The following UNC13C variants were observed in gnomAD, a reference collection of about 807,000 sequenced individuals.
UNC13C encodes the protein unc-13 homolog C, also known as protein unc-13 homolog C.
In UNC13C, 174 loss-of-function variants were observed where a neutral mutation model predicts 245.4. The observed-to-expected ratio is 0.71, with a 90% CI of 0.63 to 0.80. UNC13C has a LOEUF of 0.80. UNC13C is among the 30% of genes least tolerant of loss of function. The pLI, the probability that UNC13C is intolerant of heterozygous loss-of-function variation, is 0.00. For synonymous variants in UNC13C, 992 were observed against 895.1 expected, an observed-to-expected ratio of 1.11 and a Z score of -1.93; for missense variants, 2,829 against 2,602.9, an observed-to-expected ratio of 1.09 and a Z score of -1.89.
chr15:54,446,790 C>G (rs1040942732), intron 19 of UNC13C, among the ~76,000 whole-genome samples: 4 of 152,140 alleles, frequency 2.6e-5, no homozygotes, highest in African/African-American at 7.2e-5. Flanking sequence ...ATTTCTTTCT[C>G]CTGCCTGATT....
intron 2 of UNC13C, among the ~76,000 whole-genome samples, chr15:54,067,965 CAAAT>C (rs1212262365): frequency 1.3e-5 from 2 of 152,086 alleles, no homozygotes; most frequent in African/African-American, 4.8e-5. Context: ...AGATAAACAA[CAAAT>C]AACTTACACT....
At chr15:53,973,498 A>G (rs1387272111), upstream of UNC13C, among the ~76,000 whole-genome samples, 1 of 152,022 alleles carries the variant, frequency 6.6e-6, no homozygotes, top group African/African-American at 2.4e-5. Flanking sequence ...CTAAAGCCCA[A>G]ATTGGAAACC....
chr15:53,873,881 C>T, the UNC13C span, among the ~76,000 whole-genome samples: 1 of 149,428 alleles, frequency 6.7e-6, no homozygotes, highest in Non-Finnish European at 1.5e-5. Context: ...CTTTCTATCT[C>T]TTCTCTTCCT....
intron 2 of UNC13C, among the ~76,000 whole-genome samples, chr15:54,058,602 C>T (rs1369069555): frequency 6.6e-6 from 1 of 152,190 alleles, no homozygotes; most frequent in Non-Finnish European, 1.5e-5. Context: ...TCCTCCCTAA[C>T]TCATTTTATG....
the UNC13C span, among the ~76,000 whole-genome samples, chr15:53,875,917 C>A: frequency 6.6e-6 from 1 of 152,076 alleles, no homozygotes; most frequent in East Asian, 1.9e-4. Context: ...AATGTTACTT[C>A]CTTGGAACAA....
chr15:54,395,172 C>T (rs1219214333), intron 18 of UNC13C, among the ~76,000 whole-genome samples: 2 of 151,628 alleles, frequency 1.3e-5, no homozygotes, highest in African/African-American at 2.4e-5. Flanking sequence ...GAAGATCGTT[C>T]AATTTAGTTT....
At chr15:54,489,206 T>C (rs886189427) in intron 19 of UNC13C, among the ~76,000 whole-genome samples, 1 of 152,152 alleles carries the variant, frequency 6.6e-6, no homozygotes, top group Non-Finnish European at 1.5e-5. Context: ...TTTTATAGAA[T>C]CATTTAAGAG....
chr15:54,622,374 A>C lies in UNC13C; in HGVS notation c.6154A>C (p.Ile2052Leu), dbSNP rs769976822. 3.8e-5 allele frequency: 62 copies of C among 1,613,250 alleles called. No homozygotes were observed. The highest frequency in any genetic ancestry group is 5.1e-5 in the Non-Finnish European group (60 of 1,179,494). ...GGGTCAGATATCTGTTCATGTGGAC[A>C]TCACTGCCACCCCAGGAACGGGAGA... ...AVGQISVHVD[I>L]TATPGTGDHK... Residue 2052 changes from isoleucine (I) to leucine (L), a missense_variant, in exon 31 of 33, where the codon ATC (isoleucine) becomes CTC (leucine). Transcript: ENST00000260323.
At chr15:53,980,121 T>C (rs944301700) in intron 1 of UNC13C, among the ~76,000 whole-genome samples, 9 of 152,166 alleles carry the variant, frequency 5.9e-5, no homozygotes, top group Non-Finnish European at 1.3e-4. Flanking sequence ...TAGAGGTAAG[T>C]GGGCTTTAAA....
intron 19 of UNC13C, among the ~76,000 whole-genome samples, chr15:54,464,451 A>G (rs1892058013): frequency 6.6e-6 from 1 of 152,108 alleles, no homozygotes; most frequent in Non-Finnish European, 1.5e-5. Context: ...TCTTGAAAAT[A>G]AACATTATAA....
chr15:54,452,619 T>C (rs1429630264), intron 19 of UNC13C, among the ~76,000 whole-genome samples: 1 of 152,164 alleles, frequency 6.6e-6, no homozygotes. Context: ...GGAAAACCTG[T>C]CCTCAGATTT....
intron 25 of UNC13C, among the ~76,000 whole-genome samples, chr15:54,528,297 A>C (rs1312020477): frequency 2.0e-5 from 3 of 146,406 alleles, no homozygotes; most frequent in African/African-American, 7.5e-5. Context: ...CATGTTTTGC[A>C]GTTTGGTTTT....
chr15:54,324,014 T>C (rs1218856027), intron 14 of UNC13C, among the ~76,000 whole-genome samples: 1 of 152,028 alleles, frequency 6.6e-6, no homozygotes, highest in African/African-American at 2.4e-5. Context: ...TCAGTACATT[T>C]TAGTATTTCA....
chr15:54,230,914 G>A (rs1285037444), intron 4 of UNC13C, among the ~76,000 whole-genome samples: 4 of 151,988 alleles, frequency 2.6e-5, no homozygotes, highest in Non-Finnish European at 5.9e-5. Context: ...TAATAGAGCT[G>A]ATATTGAATT....
At chr15:54,475,314 AT>A (rs1892674706) in intron 19 of UNC13C, among the ~76,000 whole-genome samples, 1 of 97,410 alleles carries the variant, frequency 1.0e-5, no homozygotes, top group Non-Finnish European at 2.2e-5. Flanking sequence ...TATTATTATT[AT>A]TATTATTATA....
chr15:54,306,219 C>A (rs76540827), intron 13 of UNC13C, among the ~76,000 whole-genome samples: 1 of 152,082 alleles, frequency 6.6e-6, no homozygotes, highest in African/African-American at 2.4e-5. Flanking sequence ...CATTTATTAG[C>A]CCTACCTGTT....
the UNC13C span, among the ~76,000 whole-genome samples, chr15:53,905,432 A>AC: frequency 0.34 from 50,970 of 149,238 alleles, 8,840 homozygotes; most frequent in Middle Eastern, 0.42. Context: ...ACACACACAC[A>AC]ATGGAATATT....
the UNC13C span, among the ~76,000 whole-genome samples, chr15:53,840,669 A>G: frequency 1.3e-5 from 2 of 152,156 alleles, no homozygotes; most frequent in African/African-American, 4.8e-5. Context: ...TGCCTCTTCT[A>G]TTAGCATCAT....
intron 7 of UNC13C, among the ~76,000 whole-genome samples, chr15:54,239,888 C>T (rs749095454): frequency 2.0e-5 from 3 of 152,210 alleles, no homozygotes; most frequent in Non-Finnish European, 4.4e-5. Context: ...ATCTAGTCTT[C>T]TTTTGAGTAA....
Sources: gnomAD v4.1 joint callset for allele counts (sites outside exome capture counted in the v4.1 genomes callset) on GRCh38, gnomAD v4.1.1 for gene constraint, MANE v1.5 for transcripts, NCBI Gene and HGNC (gene_info 2026-07-23, HGNC 2026-07-21) for gene names.